The following RELN variants were observed in gnomAD, a reference collection of about 807,000 sequenced individuals.
The protein encoded by RELN is reelin.
Under a neutral mutation model 427.6 loss-of-function variants are expected in RELN, and 108 were observed. The observed-to-expected ratio is 0.25, with a 90% CI of 0.22 to 0.30. The LOEUF (loss-of-function observed/expected upper bound fraction) is 0.30. RELN is among the 10% of genes least tolerant of loss of function. RELN has a pLI of 1.00. For synonymous variants in RELN, 1,524 were observed against 1,513.4 expected (o/e 1.01, Z -0.16); for missense variants, 3,715 against 4,302.8 (o/e 0.86, Z 3.82).
At chr7:103,566,496 A>G in intron 32 of RELN, 84 bp from the exon 33 acceptor site, 1 of 1,592,828 alleles carries the variant, frequency 6.3e-7, no homozygotes, top group Non-Finnish European at 8.6e-7. Context: ...TTTAAATCAA[A>G]TTGTCTAGAA....
rs1198578166 is a variant in RELN, at chr7:103,496,542, C to T, written c.9177G>A (p.Val3059=). The T allele has an allele frequency of 1.9e-6, 3 of 1,613,904 alleles. No individual in the cohort carries two copies. Among genetic ancestry groups the T allele is most frequent in the Admixed American group, 1.7e-5 (1 of 59,978 alleles). The change falls in exon 56 of 65, where the codon GTG becomes GTA. Residue 3059 remains valine, a synonymous_variant. Coordinates refer to ENST00000428762, the MANE Select transcript of RELN (RefSeq NM_005045.4). ...GGAEINPSQL[V]DTFDDEGTSH... The stretch of plus-strand genomic sequence containing the variant: ...GTTTCTTACCATCATCAAAAGTGTC[C>T]ACCAATTGGCTGGGATTGATTTCTG...
chr7:103,540,777 G>A (rs1351035081), intron 43 of RELN, among the ~76,000 whole-genome samples: 2 of 152,162 alleles, frequency 1.3e-5, no homozygotes, highest in African/African-American at 2.4e-5. Context: ...ATCTAAAGGC[G>A]GTTTGAGTGT....
chr7:103,490,733 G>A lies in RELN; in HGVS notation c.9540C>T (p.Tyr3180=). The A allele has an allele frequency of 6.2e-7, 1 of 1,614,236 alleles. No individual in the cohort carries two copies. Residue 3180 remains tyrosine (Y), a synonymous_variant, in exon 59 of 65, where the codon TAC becomes TAT. Transcript: ENST00000428762. ...TCCAGCTTGAGCTGTTGACAGAGTTGTAGATGGTGGCTTCATGGAACTGGA... is the reference window on the plus strand; with the variant it reads ...TCCAGCTTGAGCTGTTGACAGAGTTATAGATGGTGGCTTCATGGAACTGGA... ...SPFQFHEATI[Y]NSVNSSSWKR...
At chr7:103,675,137 C>A (rs1833487539) in intron 11 of RELN, among the ~76,000 whole-genome samples, 1 of 152,034 alleles carries the variant, frequency 6.6e-6, no homozygotes, top group South Asian at 2.1e-4. Context: ...TTTAGAAAAC[C>A]CCACTGTCTC....
At chr7:103,713,266 T>C (rs1335593650) in intron 8 of RELN, among the ~76,000 whole-genome samples, 1 of 152,208 alleles carries the variant, frequency 6.6e-6, no homozygotes, top group African/African-American at 2.4e-5. Flanking sequence ...AGCACAGCTC[T>C]AGGAGCTGCA....
rs554429803 is a variant in RELN, at chr7:103,859,619, G to A, written c.338-25947C>T. 5.1e-4 allele frequency among the ~76,000 whole-genome samples: 78 copies of A among 152,234 alleles called. 1 individual carries two copies. Among genetic ancestry groups the A allele is most frequent in the African/African-American group, 1.8e-3 (73 of 41,554 alleles). ...AAGGTTTCATATTTAATCTTACGAAGATTTGATTAAAGATAATATAAATAG... is the reference window on the plus strand; with the variant it reads ...AAGGTTTCATATTTAATCTTACGAAAATTTGATTAAAGATAATATAAATAG... On this transcript the variant is annotated intron_variant, in intron 2 of 64. Coordinates refer to ENST00000428762, the MANE Select transcript of RELN (RefSeq NM_005045.4).
At chr7:103,700,191 A>AT (rs959867260) in intron 9 of RELN, among the ~76,000 whole-genome samples, 3 of 152,174 alleles carry the variant, frequency 2.0e-5, no homozygotes, top group Admixed American at 6.5e-5. Context: ...AGTTTAAGGC[A>AT]TTTTTTCCTT....
chr7:103,971,238 T>C (rs1272386670), intron 1 of RELN, among the ~76,000 whole-genome samples: 1 of 151,280 alleles, frequency 6.6e-6, no homozygotes, highest in Non-Finnish European at 1.5e-5. Context: ...GAGATCATAC[T>C]ATTACACACT....
intron 28 of RELN, among the ~76,000 whole-genome samples, chr7:103,580,037 A>C (rs362654): frequency 6.6e-6 from 1 of 152,164 alleles, no homozygotes; most frequent in African/African-American, 2.4e-5. Context: ...ACCATCACCA[A>C]TGTGTTTTCT....
chr7:103,743,432 C>T lies in RELN; in HGVS notation c.656+5994G>A, dbSNP rs545873385. Among the ~76,000 whole-genome samples, 1,358 of 152,120 alleles carry T rather than the reference C, an allele frequency of 8.9e-3. 11 individuals are homozygous for T. Among genetic ancestry groups the T allele is most frequent in the Non-Finnish European group, 0.014 (952 of 68,004 alleles). ...TAACAATATTAACCTTAAATGTAAA[C>T]GGGCTAAATGCTCCAATTAAAAGAC... On this transcript the variant is annotated intron_variant, in intron 6 of 64. Coordinates refer to ENST00000428762, the MANE Select transcript of RELN (RefSeq NM_005045.4).
At chr7:103,812,146 A>G (rs915028640) in intron 3 of RELN, among the ~76,000 whole-genome samples, 8 of 149,430 alleles carry the variant, frequency 5.4e-5, no homozygotes, top group African/African-American at 1.5e-4. Flanking sequence ...CACTCCTTAC[A>G]GGTGACTTTC....
intron 2 of RELN, 43 bp downstream of exon 2, chr7:103,917,032 G>T (rs946243397): frequency 7.3e-7 from 1 of 1,372,798 alleles, no homozygotes; most frequent in Non-Finnish European, 1.0e-6. Flanking sequence ...ACCTATGACT[G>T]TATAAAATAC....
In RELN at chr7:103,603,959, T is replaced by C. The variant is rs1831741535; in HGVS notation, c.3146+387A>G. ...TGTGTTCCTCTGTCCTCATTAGCAA[T>C]AATCACCATCTCCCCATGTATACAA... On this transcript the variant is annotated intron_variant, in intron 23 of 64. Coordinates refer to ENST00000428762, the MANE Select transcript of RELN (RefSeq NM_005045.4). The surrounding 1 kb of genome is among the most constrained non-coding windows in gnomAD (Gnocchi z 4.3). Among the ~76,000 whole-genome samples the C allele has an allele frequency of 6.6e-6, 1 of 152,172 alleles. No individual in the cohort carries two copies. The highest frequency in any genetic ancestry group is 6.5e-5 in the Admixed American group (1 of 15,272).
intron 23 of RELN, 151 bp downstream of exon 23, chr7:103,604,195 C>T (rs1831750622): frequency 1.1e-6 from 1 of 887,218 alleles, no homozygotes; most frequent in African/African-American, 1.6e-5. Context: ...GCTTTTACAT[C>T]TAAAATACAA....
At chr7:103,942,000 C>T (rs1017873288) in intron 1 of RELN, among the ~76,000 whole-genome samples, 3 of 151,296 alleles carry the variant, frequency 2.0e-5, no homozygotes, top group Non-Finnish European at 4.4e-5. Context: ...TAAGTATTAG[C>T]ATAGTTTTAA....
intron 50 of RELN, among the ~76,000 whole-genome samples, chr7:103,514,187 AT>A (rs1342635447): frequency 3.3e-5 from 5 of 152,162 alleles, no homozygotes. Context: ...AATCTTTACT[AT>A]TTAGATACAT....
intron 3 of RELN, among the ~76,000 whole-genome samples, chr7:103,818,337 GA>G (rs1419724803): frequency 6.6e-6 from 1 of 152,132 alleles, no homozygotes; most frequent in Non-Finnish European, 1.5e-5. Flanking sequence ...CAATGAAACA[GA>G]AAATACTGCA....
intron 5 of RELN, 139 bp downstream of exon 5, chr7:103,753,043 C>G (rs574439197): frequency 1.2e-6 from 1 of 851,738 alleles, no homozygotes; most frequent in East Asian, 2.5e-5. Context: ...TAATCCGTAC[C>G]CAAGTCCAAT....
intron 2 of RELN, among the ~76,000 whole-genome samples, chr7:103,882,586 CA>C (rs938649400): frequency 2.0e-5 from 3 of 151,128 alleles, no homozygotes; most frequent in Non-Finnish European, 4.4e-5. Context: ...CAAATAGACA[CA>C]AAAAAAAATG....
Sources: allele counts gnomAD v4.1 joint callset (sites outside exome capture counted in the v4.1 genomes callset), GRCh38; gene constraint gnomAD v4.1.1; non-coding constraint Gnocchi (gnomAD v3.1); transcripts MANE v1.5; gene names NCBI Gene and HGNC (gene_info 2026-07-23, HGNC 2026-07-21).